Variants in KAZN observed in about 807,000 individuals in gnomAD.
KAZN encodes kazrin.
In KAZN, 40 loss-of-function variants were observed where a neutral mutation model predicts 87.4. That is an observed-to-expected ratio of 0.46 (90% CI 0.36 to 0.60). KAZN has a LOEUF of 0.60. Ranked by LOEUF, KAZN falls within the 20% of genes least tolerant of loss-of-function variation. The probability of loss-of-function intolerance (pLI) is 0.00; values close to 1 mark genes in which losing one functional copy is unlikely to be tolerated. For missense variants in KAZN, 898 were observed against 1,073.9 expected (o/e 0.84, Z 2.29); for synonymous variants, 466 against 458.3 (o/e 1.02, Z -0.22).
At chr1:14,360,615 A>G (rs894976544) in intron 2 of KAZN, among the ~76,000 whole-genome samples, 1 of 151,968 alleles carries the variant, frequency 6.6e-6, no homozygotes, top group Admixed American at 6.6e-5. Context: ...TGACCTTCGG[A>G]AGGAGTTTTT....
At chr1:14,660,219 T>C (rs1167321817) in intron 1 of KAZN, among the ~76,000 whole-genome samples, 1 of 152,164 alleles carries the variant, frequency 6.6e-6, no homozygotes, top group Non-Finnish European at 1.5e-5. Context: ...GATCTCCCCA[T>C]AACCGGGCAA....
In KAZN at chr1:14,183,957, A is replaced by G. The variant is rs143712135; in HGVS notation, c.249+3365A>G. ...CAGGAAGTGGGTAGCCTCTTTGCCT[A>G]AAACTTGGCCTGTACTGGGACTAAA... On this transcript the variant is annotated intron_variant, in intron 2 of 16. Transcript: ENST00000636203. Among the ~76,000 whole-genome samples, 451 of 152,188 alleles carry G rather than the reference A, an allele frequency of 3.0e-3. 5 individuals are homozygous for G. The highest frequency in any genetic ancestry group is 0.022 in the East Asian group (111 of 5,152).
At chr1:14,823,394 C>G (rs1646792894) in intron 1 of KAZN, among the ~76,000 whole-genome samples, 1 of 152,080 alleles carries the variant, frequency 6.6e-6, no homozygotes, top group Non-Finnish European at 1.5e-5. Context: ...ATCTCCTGCA[C>G]AGCCTTGGAG....
At chr1:14,136,073 G>A (rs1464023682) in intron 1 of KAZN, among the ~76,000 whole-genome samples, 2 of 152,104 alleles carry the variant, frequency 1.3e-5, no homozygotes, top group African/African-American at 2.4e-5. Context: ...GGAGACCCTG[G>A]GGAAGAGGAG....
At chr1:14,907,966 C>A (rs75863906) in intron 1 of KAZN, among the ~76,000 whole-genome samples, 1,707 of 152,334 alleles carry the variant, frequency 0.011, 35 homozygotes, top group African/African-American at 0.039. Flanking sequence ...CAGACTGGGG[C>A]TCCATGAGAT....
intron 1 of KAZN, among the ~76,000 whole-genome samples, chr1:14,104,677 A>G (rs1455466809): frequency 3.3e-5 from 5 of 152,230 alleles, no homozygotes; most frequent in African/African-American, 4.8e-5. Flanking sequence ...AGGTTAAAAT[A>G]AAGTTTAATA....
chr1:14,634,667 C>T (rs939008610), intron 1 of KAZN, among the ~76,000 whole-genome samples: 16 of 152,160 alleles, frequency 1.1e-4, no homozygotes, highest in African/African-American at 3.9e-4. Context: ...GACAGGCTGG[C>T]TTTGTTACTT....
intron 1 of KAZN, among the ~76,000 whole-genome samples, chr1:14,869,552 G>C (rs547229697): frequency 3.8e-4 from 58 of 152,286 alleles, no homozygotes; most frequent in African/African-American, 1.3e-3. Flanking sequence ...AGGACAGTAG[G>C]GCTGGCAGAT....
intron 1 of KAZN, among the ~76,000 whole-genome samples, chr1:14,112,029 C>T (rs1316878429): frequency 3.3e-5 from 5 of 152,060 alleles, no homozygotes; most frequent in East Asian, 1.9e-4. Context: ...TGAGCCACCA[C>T]GCTCAGCCCC....
At chr1:15,108,925 T>C (rs1052930146) in intron 13 of KAZN, among the ~76,000 whole-genome samples, 9 of 152,198 alleles carry the variant, frequency 5.9e-5, no homozygotes, top group Middle Eastern at 3.2e-3. Context: ...GCTTATGCCC[T>C]GGAGTTTTCG....
At chr1:14,216,211 A>G (rs1646953871) in intron 2 of KAZN, among the ~76,000 whole-genome samples, 1 of 152,208 alleles carries the variant, frequency 6.6e-6, no homozygotes, top group African/African-American at 2.4e-5. Flanking sequence ...GAAACAAAGC[A>G]GTTGACATGC....
chr1:14,166,639 G>C (rs1402460300), intron 1 of KAZN, among the ~76,000 whole-genome samples: 2 of 152,066 alleles, frequency 1.3e-5, no homozygotes, highest in Non-Finnish European at 2.9e-5. Context: ...AAAAGTTATT[G>C]GTATAAGGGT....
intron 1 of KAZN, among the ~76,000 whole-genome samples, chr1:14,005,927 A>G (rs1304115462): frequency 6.6e-6 from 1 of 152,352 alleles, no homozygotes; most frequent in Middle Eastern, 3.4e-3. Flanking sequence ...AGAAAGCTTT[A>G]AACAAAGACT....
intron 1 of KAZN, among the ~76,000 whole-genome samples, chr1:14,862,381 T>A (rs962264785): frequency 2.6e-5 from 4 of 151,888 alleles, no homozygotes; most frequent in African/African-American, 9.7e-5. Flanking sequence ...TTTCTCGGGG[T>A]GCTACAAGGC....
chr1:15,073,271 C>A (rs1023673164), intron 8 of KAZN, among the ~76,000 whole-genome samples: 1 of 152,128 alleles, frequency 6.6e-6, no homozygotes, highest in Non-Finnish European at 1.5e-5. Context: ...ATTCCCAGGC[C>A]CCATCCTGTA....
At chr1:14,848,396 G>A (rs1649028916) in intron 1 of KAZN, among the ~76,000 whole-genome samples, 1 of 152,174 alleles carries the variant, frequency 6.6e-6, no homozygotes, top group Non-Finnish European at 1.5e-5. Flanking sequence ...TCTGTAAAAT[G>A]GGTGCAGTGT....
intron 2 of KAZN, among the ~76,000 whole-genome samples, chr1:14,385,884 CGTT>C (rs1661835962): frequency 6.8e-6 from 1 of 147,540 alleles, no homozygotes; most frequent in South Asian, 2.3e-4. Context: ...CTTTCTGTCT[CGTT>C]GATCTGTCTG....
At chr1:15,037,878 G>A (rs1421096534) in intron 3 of KAZN, among the ~76,000 whole-genome samples, 2 of 152,148 alleles carry the variant, frequency 1.3e-5, no homozygotes, top group East Asian at 3.9e-4. Context: ...GAGGGACAGA[G>A]GGTCTCAGAG....
At chr1:14,195,542 CAA>C (rs1491444065) in intron 2 of KAZN, among the ~76,000 whole-genome samples, 29 of 148,532 alleles carry the variant, frequency 2.0e-4, no homozygotes, top group Non-Finnish European at 3.7e-4. Flanking sequence ...CACACACACA[CAA>C]TCACTAAACA....
Sources: gnomAD v4.1 joint callset for allele counts (sites outside exome capture counted in the v4.1 genomes callset) on GRCh38, gnomAD v4.1.1 for gene constraint, MANE v1.5 for transcripts, NCBI Gene and HGNC (gene_info 2026-07-23, HGNC 2026-07-21) for gene names.